The following ARHGAP18 variants were observed in gnomAD, a reference collection of about 807,000 sequenced individuals.
ARHGAP18 encodes the protein rho GTPase-activating protein 18.
ARHGAP18 carries 67 observed loss-of-function variants against 86.2 expected under a neutral mutation model. The observed-to-expected ratio is 0.78, with a 90% CI of 0.64 to 0.95. The LOEUF (loss-of-function observed/expected upper bound fraction) is 0.95. Ranked by LOEUF, ARHGAP18 falls within the 40% of genes least tolerant of loss-of-function variation. ARHGAP18 has a pLI of 0.00. For synonymous variants in ARHGAP18, 283 were observed against 280.4 expected (o/e 1.01, Z -0.09); for missense variants, 691 against 780.4 (o/e 0.89, Z 1.37).
At chr6:129,709,471 G>GA (rs111649416) in intron 1 of ARHGAP18, among the ~76,000 whole-genome samples, 3 of 152,016 alleles carry the variant, frequency 2.0e-5, no homozygotes, top group Non-Finnish European at 4.4e-5. Flanking sequence ...AAGCCTGGGG[G>GA]AAAAAAAATC....
At chr6:129,589,730 A>G (rs1294556445) in intron 12 of ARHGAP18, among the ~76,000 whole-genome samples, 1 of 152,156 alleles carries the variant, frequency 6.6e-6, no homozygotes, top group Non-Finnish European at 1.5e-5. Context: ...TGGTTCTTGA[A>G]AAGGACAGAA....
chr6:129,614,178 G>A (rs1187028014), intron 7 of ARHGAP18, among the ~76,000 whole-genome samples: 1 of 152,050 alleles, frequency 6.6e-6, no homozygotes, highest in African/African-American at 2.4e-5. Flanking sequence ...GTCCTTTTCG[G>A]GTATATAAGC....
intron 1 of ARHGAP18, among the ~76,000 whole-genome samples, chr6:129,650,274 C>T (rs1268553576): frequency 6.6e-6 from 1 of 151,962 alleles, no homozygotes; most frequent in African/African-American, 2.4e-5. Flanking sequence ...GTAACCACCA[C>T]CAGGTCTTGT....
rs183919403 is a variant in ARHGAP18, at chr6:129,576,704, T to A, written c.*1809A>T. ...TTGGCATATGCTTCAGACAACCTTT[T>A]ACTTAAATCATTATCCTCACTGCTA... is the stretch of plus-strand genomic sequence containing the variant. On this transcript the variant is annotated 3_prime_UTR_variant, in exon 15 of 15. Transcript: ENST00000368149. The A allele has an allele frequency of 6.6e-6, 1 of 152,310 alleles. No homozygotes were observed. The highest frequency in any genetic ancestry group is 1.5e-5 in the Non-Finnish European group (1 of 68,022). The allele number at this position is 152,310 out of a possible 1,614,324, so 9.4% of individuals were successfully genotyped here.
In ARHGAP18 at chr6:129,629,268, T is replaced by C. The variant is rs185947593; in HGVS notation, c.786+85A>G. ...CTCTCTATATATATATATATGTGTG[T>C]GTGCGTGTGTGTGTATGTATATGTG... On this transcript the variant is annotated intron_variant, in intron 5 of 14. Transcript: ENST00000368149. The C allele has an allele frequency of 6.5e-5, 72 of 1,113,638 alleles. 1 individual carries two copies. The Admixed American group carries it at 1.5e-3, about 23-fold the overall frequency. The allele number at this position is 1,113,638 out of a possible 1,614,324, so 69.0% of individuals were successfully genotyped here. A position where few individuals can be genotyped will look rare whatever the true frequency, so the allele number is the denominator to read the frequency against.
chr6:129,629,270 TG>T, intron 5 of ARHGAP18, 82 bp downstream of exon 5: 1 of 1,149,888 alleles, frequency 8.7e-7, no homozygotes, highest in Non-Finnish European at 1.2e-6. Flanking sequence ...TATGTGTGTG[TG>T]CGTGTGTGTG....
At chr6:129,676,948 T>TTA (rs1562721207) in intron 1 of ARHGAP18, among the ~76,000 whole-genome samples, 43 of 107,082 alleles carry the variant, frequency 4.0e-4, no homozygotes, top group African/African-American at 1.5e-3. Context: ...TTTTTTTTTT[T>TTA]AAGGAAGGAA....
intron 1 of ARHGAP18, among the ~76,000 whole-genome samples, chr6:129,694,398 A>C (rs185168799): frequency 6.3e-4 from 96 of 152,296 alleles, no homozygotes; most frequent in Middle Eastern, 3.4e-3. Flanking sequence ...ACCAGCCTGA[A>C]TGGGTTGCTA....
rs66753341 is a variant in ARHGAP18, at chr6:129,626,672, TACACAC to T, written c.786+2675_786+2680del. Among the ~76,000 whole-genome samples the T allele has an allele frequency of 2.2e-3, 330 of 147,134 alleles. 3 individuals are homozygous for T. Among genetic ancestry groups the T allele is most frequent in the Admixed American group, 6.2e-3 (91 of 14,680 alleles). On this transcript the variant is annotated intron_variant, in intron 5 of 14. Transcript: ENST00000368149. Reference sequence around the variant, plus strand: ...GATGTACCCCCAAAACACACACACATACACACACACACACACACACACACACAGACA... The same window carrying T: ...GATGTACCCCCAAAACACACACACATACACACACACACACACACACAGACA...
chr6:129,625,773 A>G (rs1314809111), intron 5 of ARHGAP18, among the ~76,000 whole-genome samples: 1 of 32,496 alleles, frequency 3.1e-5, no homozygotes, highest in Non-Finnish European at 6.4e-5. Context: ...TATTATATAT[A>G]TTTATATATA....
At chr6:129,615,257 A>C (rs1015185187) in intron 7 of ARHGAP18, among the ~76,000 whole-genome samples, 1 of 152,224 alleles carries the variant, frequency 6.6e-6, no homozygotes, top group Admixed American at 6.5e-5. Flanking sequence ...TACTGCTGAC[A>C]GCTCTCCATA....
In ARHGAP18 at chr6:129,598,569, A is replaced by G. The variant is rs539177123; in HGVS notation, c.1713+647T>C. Reference sequence around the variant, plus strand: ...TTGGTAACTTACTTCATAAATGTATATCCATGTATATTTTATTATTGTAAA... The same window carrying G: ...TTGGTAACTTACTTCATAAATGTATGTCCATGTATATTTTATTATTGTAAA... On this transcript the variant is annotated intron_variant, in intron 12 of 14. Transcript: ENST00000368149. Among the ~76,000 whole-genome samples, 14 of 152,348 alleles carry G rather than the reference A, an allele frequency of 9.2e-5. No homozygotes were observed. The South Asian group carries it at 2.9e-3, about 32-fold the overall frequency.
chr6:129,704,573 G>A (rs1774773870), intron 1 of ARHGAP18, among the ~76,000 whole-genome samples: 1 of 152,020 alleles, frequency 6.6e-6, no homozygotes, highest in South Asian at 2.1e-4. Context: ...AAGTTTCTTA[G>A]GGCAAAAACC....
At chr6:129,607,744 A>G in intron 9 of ARHGAP18, 149 bp downstream of exon 9, 2 of 699,366 alleles carry the variant, frequency 2.9e-6, no homozygotes, top group Non-Finnish European at 4.3e-6. Flanking sequence ...AAAACAATGC[A>G]TGGCAGCTGA....
intron 1 of ARHGAP18, among the ~76,000 whole-genome samples, chr6:129,659,770 A>G (rs1457267979): frequency 3.3e-5 from 5 of 152,210 alleles, no homozygotes; most frequent in Non-Finnish European, 1.5e-5. Flanking sequence ...TTAGAAGGCA[A>G]CAAAGACATG....
intron 2 of ARHGAP18, among the ~76,000 whole-genome samples, chr6:129,639,492 T>C (rs1302676132): frequency 6.6e-6 from 1 of 152,190 alleles, no homozygotes; most frequent in African/African-American, 2.4e-5. Context: ...CTCTGTTTTC[T>C]GATCTGTAAA....
chr6:129,608,605 C>T (rs1379715440), intron 8 of ARHGAP18, among the ~76,000 whole-genome samples: 1 of 152,190 alleles, frequency 6.6e-6, no homozygotes, highest in African/African-American at 2.4e-5. Flanking sequence ...CACAGCCATC[C>T]TGCTGCCAGC....
intron 1 of ARHGAP18, among the ~76,000 whole-genome samples, chr6:129,698,157 C>T (rs765931920): frequency 3.3e-5 from 5 of 152,194 alleles, no homozygotes; most frequent in Non-Finnish European, 7.3e-5. Flanking sequence ...AGATGCACTG[C>T]AAACTCCTTC....
intron 1 of ARHGAP18, among the ~76,000 whole-genome samples, chr6:129,676,831 T>C (rs1333993208): frequency 6.9e-6 from 1 of 145,732 alleles, no homozygotes; most frequent in Non-Finnish European, 1.5e-5. Context: ...AACACAAAAA[T>C]CTATAACTGC....
Sources: gnomAD v4.1 joint callset for allele counts (sites outside exome capture counted in the v4.1 genomes callset) on GRCh38, gnomAD v4.1.1 for gene constraint, MANE v1.5 for transcripts, NCBI Gene and HGNC (gene_info 2026-07-23, HGNC 2026-07-21) for gene names.